Variants in ASIC2 observed in about 807,000 individuals in gnomAD.
The protein encoded by ASIC2 is acid-sensing ion channel 2.
In ASIC2, 25 loss-of-function variants were observed where a neutral mutation model predicts 57.3. The ratio of observed to expected loss-of-function variants is 0.44; its 90% CI spans 0.32 to 0.61. The LOEUF is 0.61. Among genes scored for constraint, ASIC2 ranks in the 20% least tolerant of loss-of-function variants. ASIC2 has a pLI of 0.06. For synonymous variants in ASIC2, 319 were observed against 307.5 expected (o/e 1.04, Z -0.39); for missense variants, 641 against 738.1 (o/e 0.87, Z 1.52).
At chr17:33,135,636 C>T (rs537943901) in intron 1 of ASIC2, among the ~76,000 whole-genome samples, 21 of 152,240 alleles carry the variant, frequency 1.4e-4, no homozygotes, top group East Asian at 7.7e-4. Context: ...AGACAGGCTC[C>T]GACACTGACT....
At chr17:33,497,905 G>T (rs1913987150) in intron 1 of ASIC2, among the ~76,000 whole-genome samples, 1 of 152,188 alleles carries the variant, frequency 6.6e-6, no homozygotes, top group Non-Finnish European at 1.5e-5. Context: ...CACAAGCTCT[G>T]AATTAAAGGA....
intron 1 of ASIC2, among the ~76,000 whole-genome samples, chr17:33,476,234 G>C (rs1048197570): frequency 5.3e-5 from 8 of 152,112 alleles, no homozygotes; most frequent in Admixed American, 1.3e-4. Flanking sequence ...GAGACCTTAG[G>C]AATACGTGAC....
At chr17:33,154,025 T>C (rs182874126) in intron 1 of ASIC2, among the ~76,000 whole-genome samples, 1 of 152,158 alleles carries the variant, frequency 6.6e-6, no homozygotes, top group African/African-American at 2.4e-5. Flanking sequence ...TTCATGAACA[T>C]CCTGCAGACT....
At chr17:34,148,965 AG>A (rs1904396720) in intron 1 of ASIC2, among the ~76,000 whole-genome samples, 1 of 152,204 alleles carries the variant, frequency 6.6e-6, no homozygotes, top group Admixed American at 6.5e-5. Context: ...GTGAGATCCC[AG>A]GCCTAGTAAT....
At chr17:33,112,098 G>T (rs1437394913) in intron 1 of ASIC2, 31 bp from the exon 2 acceptor site, 12 of 1,530,308 alleles carry the variant, frequency 7.8e-6, no homozygotes, top group Admixed American at 3.7e-5. Context: ...AGAGAGAGAA[G>T]CACATGGGTA....
chr17:33,953,229 A>G (rs754100969), intron 1 of ASIC2, among the ~76,000 whole-genome samples: 4 of 152,220 alleles, frequency 2.6e-5, no homozygotes, highest in Non-Finnish European at 5.9e-5. Flanking sequence ...ACGTGCACAC[A>G]TATTACACAT....
intron 1 of ASIC2, among the ~76,000 whole-genome samples, chr17:33,375,642 A>G (rs569675026): frequency 6.6e-6 from 1 of 152,202 alleles, no homozygotes; most frequent in African/African-American, 2.4e-5. Context: ...CAGACAGACC[A>G]GTTTGGAGGC....
intron 1 of ASIC2, among the ~76,000 whole-genome samples, chr17:33,812,447 CAAT>C (rs1206467760): frequency 1.3e-5 from 2 of 152,116 alleles, no homozygotes; most frequent in Admixed American, 6.5e-5. Flanking sequence ...GAGAGCAAGA[CAAT>C]AAGATGCTGG....
chr17:33,015,863 A>C, intron 9 of ASIC2, 108 bp downstream of exon 9: 1 of 1,142,518 alleles, frequency 8.8e-7, no homozygotes, highest in Non-Finnish European at 1.3e-6. Context: ...AGCCATGGAA[A>C]GGTGTGCAGT....
At chr17:33,380,069 A>T (rs1299073499) in intron 1 of ASIC2, among the ~76,000 whole-genome samples, 1 of 152,028 alleles carries the variant, frequency 6.6e-6, no homozygotes, top group Admixed American at 6.6e-5. Context: ...AGCATAGTGA[A>T]ACCCCATCTC....
chr17:33,313,171 A>T (rs183098456), intron 1 of ASIC2, among the ~76,000 whole-genome samples: 2,564 of 151,100 alleles, frequency 0.017, 70 homozygotes, highest in African/African-American at 0.055. Context: ...TTTTTTTTTT[A>T]AAAAATTAGC....
Position 33,141,323 on chromosome 17 carries a change from G to C in ASIC2, c.709-29256C>G, listed in dbSNP as rs149028087. ...CCCTTGCTTTGTAAGCAGTAAAAAAGCAGAAGGCAACCAGCTTTCTTTTAC... is the reference window on the plus strand; with the variant it reads ...CCCTTGCTTTGTAAGCAGTAAAAAACCAGAAGGCAACCAGCTTTCTTTTAC... On this transcript the variant is annotated intron_variant, in intron 1 of 9. Coordinates refer to ENST00000225823, the MANE Select transcript of ASIC2 (RefSeq NM_183377.2). Among the ~76,000 whole-genome samples the C allele has an allele frequency of 3.3e-3, 498 of 152,324 alleles. 4 individuals are homozygous for C. Among genetic ancestry groups the C allele is most frequent in the African/African-American group, 0.011 (474 of 41,576 alleles).
chr17:33,952,502 A>G (rs1904609779), intron 1 of ASIC2, among the ~76,000 whole-genome samples: 1 of 152,232 alleles, frequency 6.6e-6, no homozygotes, highest in South Asian at 2.1e-4. Context: ...ATTATTTATT[A>G]TGATGTCTAT....
intron 1 of ASIC2, among the ~76,000 whole-genome samples, chr17:33,252,616 C>G (rs550092216): frequency 6.6e-6 from 1 of 151,988 alleles, no homozygotes; most frequent in African/African-American, 2.4e-5. Flanking sequence ...GTGCTGTTCA[C>G]GTAGTGCAAC....
At chr17:33,643,838 A>G (rs1483128907) in intron 1 of ASIC2, among the ~76,000 whole-genome samples, 7 of 152,230 alleles carry the variant, frequency 4.6e-5, no homozygotes, top group African/African-American at 1.4e-4. Context: ...AATGGTGGCA[A>G]TCATGGCATT....
chr17:33,870,151 C>T (rs2141930798), intron 1 of ASIC2, among the ~76,000 whole-genome samples: 1 of 145,958 alleles, frequency 6.9e-6, no homozygotes, highest in East Asian at 2.1e-4. Flanking sequence ...ATAGATGCTT[C>T]AGATAAAAAA....
intron 2 of ASIC2, among the ~76,000 whole-genome samples, chr17:33,111,086 T>C (rs2092256221): frequency 6.6e-6 from 1 of 152,202 alleles, no homozygotes; most frequent in Non-Finnish European, 1.5e-5. Flanking sequence ...CTCCAGTCTT[T>C]GCCTCCGTCA....
chr17:33,560,999 G>A (rs953810667), intron 1 of ASIC2, among the ~76,000 whole-genome samples: 2 of 152,008 alleles, frequency 1.3e-5, no homozygotes, highest in Admixed American at 6.6e-5. Flanking sequence ...GCAGTAGTAG[G>A]TGGCATACTT....
chr17:33,477,131 C>T (rs987508469), intron 1 of ASIC2, among the ~76,000 whole-genome samples: 3 of 152,066 alleles, frequency 2.0e-5, no homozygotes, highest in African/African-American at 7.3e-5. Flanking sequence ...ACTTATTTAT[C>T]CACCTCCTTA....
Sources: gnomAD v4.1 joint callset for allele counts (sites outside exome capture counted in the v4.1 genomes callset) on GRCh38, gnomAD v4.1.1 for gene constraint, MANE v1.5 for transcripts, NCBI Gene and HGNC (gene_info 2026-07-23, HGNC 2026-07-21) for gene names.